SLC4A8: variants seen among roughly 807,000 people sequenced by gnomAD.
SLC4A8 encodes electroneutral sodium bicarbonate exchanger 1.
SLC4A8 carries 40 observed loss-of-function variants against 125.0 expected under a neutral mutation model. The ratio of observed to expected loss-of-function variants is 0.32; its 90% confidence interval spans 0.25 to 0.42. SLC4A8 has a LOEUF of 0.42. Among genes scored for constraint, SLC4A8 ranks in the 10% least tolerant of loss-of-function variants. The pLI is 1.00. For missense variants in SLC4A8, 863 were observed against 1,355.1 expected, an observed-to-expected ratio of 0.64 and a Z score of 5.70; for synonymous variants, 456 against 476.0, an observed-to-expected ratio of 0.96 and a Z score of 0.55.
At chr12:51,441,315 C>A in intron 2 of SLC4A8, 1 of 589,732 alleles carries the variant, frequency 1.7e-6, no homozygotes, top group Non-Finnish European at 2.1e-6. Flanking sequence ...CTCTTGAGTT[C>A]ATAACATCAA....
At chr12:51,396,278 T>G (rs188307590) in intron 1 of SLC4A8, among the ~76,000 whole-genome samples, 1 of 152,316 alleles carries the variant, frequency 6.6e-6, no homozygotes, top group East Asian at 1.9e-4. Flanking sequence ...TTAGCCTCTA[T>G]GCTAGGTCAG....
At chr12:51,479,069 C>T (rs988865203) in intron 16 of SLC4A8, among the ~76,000 whole-genome samples, 4 of 152,226 alleles carry the variant, frequency 2.6e-5, no homozygotes, top group Admixed American at 6.5e-5. Flanking sequence ...GTTTAGCATG[C>T]TCCCTGCCTT....
At chr12:51,451,590 CTT>C (rs1196773949) in intron 3 of SLC4A8, among the ~76,000 whole-genome samples, 1 of 151,992 alleles carries the variant, frequency 6.6e-6, no homozygotes, top group Non-Finnish European at 1.5e-5. Flanking sequence ...AACACACAGA[CTT>C]TTTGATTCAC....
rs772052695 is a variant in SLC4A8 at position 51,457,420 on chromosome 12, C to T, written c.644C>T (p.Ala215Val). 1.9e-6 allele frequency: 3 copies of T among 1,614,000 alleles called. No homozygotes were observed. In the South Asian group the frequency reaches 3.3e-5, roughly 18 times the overall value. Reference sequence around the variant, plus strand: ...AGCATGAGGGTTAAAGTGCGGGAAGCCCTTCTCAAAAAGCATCATCATCAG... The same window carrying T: ...AGCATGAGGGTTAAAGTGCGGGAAGTCCTTCTCAAAAAGCATCATCATCAG... ...NDSMRVKVREALLKKHHHQNE... is the reference protein window; with the variant it reads ...NDSMRVKVREVLLKKHHHQNE... The change falls in exon 6 of 25, where the codon GCC (alanine) becomes GTC (valine). Residue 215 changes from alanine to valine, a missense_variant. Ala to Val is a moderately conservative substitution (Grantham distance 64). Around this residue, in one of 6 missense-constraint regions of SLC4A8, gnomAD observed 390 missense variants for 634.4 expected, o/e 0.61. Coordinates refer to ENST00000453097, the MANE Select transcript of SLC4A8 (RefSeq NM_001039960.3).
intron 13 of SLC4A8, 64 bp downstream of exon 13, chr12:51,470,589 G>T: frequency 3.4e-6 from 5 of 1,456,408 alleles, no homozygotes; most frequent in Non-Finnish European, 4.8e-6. Flanking sequence ...AGGATTAAAT[G>T]TCAGGGTTCT....
chr12:51,428,848 A>G (rs944391225), intron 1 of SLC4A8, among the ~76,000 whole-genome samples: 3 of 152,178 alleles, frequency 2.0e-5, no homozygotes, highest in Non-Finnish European at 4.4e-5. Context: ...GAACTTTATT[A>G]TTGTTTTCCA....
At chr12:51,490,843 A>G (rs748313369) in intron 19 of SLC4A8, among the ~76,000 whole-genome samples, 11 of 152,194 alleles carry the variant, frequency 7.2e-5, no homozygotes, top group Non-Finnish European at 1.6e-4. Flanking sequence ...GACATGATCC[A>G]GCTAGTTTAA....
At chr12:51,498,062 A>C (rs962315978) in intron 22 of SLC4A8, among the ~76,000 whole-genome samples, 3 of 151,634 alleles carry the variant, frequency 2.0e-5, no homozygotes, top group African/African-American at 4.9e-5. Context: ...AAAAAAAAAA[A>C]GATGACTTTT....
upstream of SLC4A8, chr12:51,422,207 A>C (rs2138007365): frequency 6.6e-6 from 1 of 152,308 alleles, no homozygotes; most frequent in South Asian, 2.1e-4. Context: ...TAGAGACATT[A>C]TGACTATTAA....
chr12:51,458,519 G>T, intron 6 of SLC4A8, 40 bp from the exon 7 acceptor site: 4 of 1,426,380 alleles, frequency 2.8e-6, no homozygotes, highest in African/African-American at 1.4e-5. Context: ...AAGGGGAAAA[G>T]GGCAGGGACT....
intron 17 of SLC4A8, among the ~76,000 whole-genome samples, 190 bp from the exon 18 acceptor site, chr12:51,488,509 T>G (rs555206748): frequency 8.6e-5 from 13 of 151,968 alleles, no homozygotes; most frequent in Non-Finnish European, 4.4e-5. Flanking sequence ...TGTCTTTAAC[T>G]CTTTGGGAAA....
At chr12:51,445,027 A>T (rs1287140982) in intron 2 of SLC4A8, among the ~76,000 whole-genome samples, 2 of 152,228 alleles carry the variant, frequency 1.3e-5, no homozygotes, top group East Asian at 1.9e-4. Context: ...GAGGAAACCC[A>T]TGGTTGGGAT....
intron 10 of SLC4A8, among the ~76,000 whole-genome samples, chr12:51,463,227 A>G (rs1950397808): frequency 6.6e-6 from 1 of 152,196 alleles, no homozygotes; most frequent in African/African-American, 2.4e-5. Context: ...TGTTATCTCT[A>G]GTTTTACAAA....
intron 15 of SLC4A8, 52 bp from the exon 16 acceptor site, chr12:51,474,993 T>C: frequency 6.6e-7 from 1 of 1,520,570 alleles, no homozygotes. Flanking sequence ...AGGAAACAGC[T>C]ATTTATTTGG....
intron 1 of SLC4A8, among the ~76,000 whole-genome samples, chr12:51,393,025 CTCCT>C (rs1293457270): frequency 4.6e-5 from 7 of 151,030 alleles, no homozygotes; most frequent in Non-Finnish European, 7.4e-5. Context: ...CCCCGCCTCC[CTCCT>C]TTTTTCTTTT....
upstream of SLC4A8, among the ~76,000 whole-genome samples, chr12:51,424,063 C>CAAAAAAAAAA (rs199851698): frequency 3.4e-4 from 36 of 107,048 alleles, no homozygotes; most frequent in Non-Finnish European, 4.5e-4. Flanking sequence ...ACAAAAAAAA[C>CAAAAAAAAAA]AACAAAAAAA....
chr12:51,408,838 T>C (rs1948542639), intron 1 of SLC4A8, among the ~76,000 whole-genome samples: 1 of 152,116 alleles, frequency 6.6e-6, no homozygotes, highest in Non-Finnish European at 1.5e-5. Flanking sequence ...TGATGCGCAC[T>C]CCAGAGCATT....
chr12:51,416,207 T>TTTTG (rs1412268650), intron 1 of SLC4A8, among the ~76,000 whole-genome samples: 3 of 119,882 alleles, frequency 2.5e-5, no homozygotes, highest in African/African-American at 1.0e-4. Context: ...GATGGAGGTC[T>TTTTG]TTTGTTTTTT....
rs1950637050 is a variant in SLC4A8, at chr12:51,469,727, C to T, written c.1463C>T (p.Ala488Val). The T allele has an allele frequency of 6.2e-7, 1 of 1,613,998 alleles. No individual in the cohort carries two copies. The highest frequency in any genetic ancestry group is 1.3e-5 in the African/African-American group (1 of 75,000). The change falls in exon 12 of 25, where the codon GCC becomes GTC. Residue 488 changes from alanine (A) to valine (V), a missense_variant. Ala to Val is a moderately conservative substitution (Grantham distance 64). Transcript: ENST00000453097. ...CLASFLFLYCACMSPVITFGG... is the reference protein window; with the variant it reads ...CLASFLFLYCVCMSPVITFGG... ...GCTTCCTTTCTGTTCCTGTACTGTGCCTGCATGTCACCTGTCATCACCTTT... is the reference window on the plus strand; with the variant it reads ...GCTTCCTTTCTGTTCCTGTACTGTGTCTGCATGTCACCTGTCATCACCTTT...
Sources: allele counts gnomAD v4.1 joint callset (sites outside exome capture counted in the v4.1 genomes callset), GRCh38; gene constraint gnomAD v4.1.1; regional missense constraint gnomAD v4.1.1; transcripts MANE v1.5; gene names NCBI Gene and HGNC (gene_info 2026-07-23, HGNC 2026-07-21).